ADAMTSL1: variants seen among roughly 807,000 people sequenced by gnomAD.
ADAMTSL1 encodes the protein ADAMTS like 1, also known as ADAMTS-like protein 1.
A neutral mutation model predicts 201.8 loss-of-function variants in ADAMTSL1; 126 were observed. That is an observed-to-expected ratio of 0.62 (90% confidence interval 0.54 to 0.72). The LOEUF (loss-of-function observed/expected upper bound fraction) is 0.72, where lower values mean the gene tolerates loss of function less well. Among genes scored for constraint, ADAMTSL1 ranks in the 30% least tolerant of loss-of-function variants. ADAMTSL1 has a pLI of 0.00. For synonymous variants in ADAMTSL1, 1,121 were observed against 903.4 expected (o/e 1.24, Z -4.32); for missense variants, 2,679 against 2,277.8 (o/e 1.18, Z -3.59).
intron 19 of ADAMTSL1, among the ~76,000 whole-genome samples, chr9:18,783,301 A>C (rs1049003639): frequency 3.9e-5 from 6 of 152,206 alleles, no homozygotes; most frequent in Admixed American, 3.3e-4. Flanking sequence ...TTAAACTTTT[A>C]AAAGTAGATT....
At chr9:18,170,163 A>T (rs1827826043) in intron 2 of ADAMTSL1, among the ~76,000 whole-genome samples, 2 of 152,068 alleles carry the variant, frequency 1.3e-5, no homozygotes, top group African/African-American at 4.8e-5. Flanking sequence ...CCAGTAACGA[A>T]CTATATACAT....
chr9:18,846,770 A>G (rs1325768138), intron 23 of ADAMTSL1, among the ~76,000 whole-genome samples: 1 of 152,192 alleles, frequency 6.6e-6, no homozygotes, highest in African/African-American at 2.4e-5. Flanking sequence ...AATGGACAGA[A>G]GTAGATGAAT....
At chr9:18,650,528 ATCTTGGCTCCT>A (rs1828172302) in intron 7 of ADAMTSL1, among the ~76,000 whole-genome samples, 1 of 152,126 alleles carries the variant, frequency 6.6e-6, no homozygotes, top group African/African-American at 2.4e-5. Context: ...CTATTCGGCC[ATCTTGGCTCCT>A]CCCTCCTCCA....
At chr9:18,881,694 G>A (rs553601251) in intron 23 of ADAMTSL1, among the ~76,000 whole-genome samples, 1 of 152,088 alleles carries the variant, frequency 6.6e-6, no homozygotes, top group African/African-American at 2.4e-5. Context: ...CTTAGCACAG[G>A]GTTGCCACAA....
chr9:18,853,021 C>G (rs1351245065), intron 23 of ADAMTSL1, among the ~76,000 whole-genome samples: 1 of 152,152 alleles, frequency 6.6e-6, no homozygotes, highest in East Asian at 1.9e-4. Flanking sequence ...TTGCTACACA[C>G]TGAAATATAG....
At chr9:17,933,894 C>T (rs1244414695) in intron 1 of ADAMTSL1, among the ~76,000 whole-genome samples, 1 of 152,144 alleles carries the variant, frequency 6.6e-6, no homozygotes, top group East Asian at 1.9e-4. Context: ...CAAATCCAAA[C>T]TGCATCAACA....
rs538789113 is a variant in ADAMTSL1, at chr9:18,638,083, C to T, written c.677-1171C>T. Among the ~76,000 whole-genome samples the T allele has an allele frequency of 2.0e-5, 3 of 152,138 alleles. No individual in the cohort carries two copies. The South Asian group carries it at 6.2e-4, about 32-fold the overall frequency. On this transcript the variant is annotated intron_variant, in intron 6 of 28. Coordinates refer to ENST00000380548, the MANE Select transcript of ADAMTSL1 (RefSeq NM_001040272.6). The stretch of plus-strand genomic sequence containing the variant: ...CTCCCTGCAATATTCCTTTAATGTG[C>T]CCTGTATTTTTCGGTGGGATCCCCT...
intron 23 of ADAMTSL1, among the ~76,000 whole-genome samples, chr9:18,883,238 T>G (rs1828647782): frequency 6.6e-6 from 1 of 152,218 alleles, no homozygotes; most frequent in South Asian, 2.1e-4. Flanking sequence ...TCAGCTGATC[T>G]AAGCTGGGTT....
chr9:18,063,650 G>A (rs1409050495), intron 1 of ADAMTSL1, among the ~76,000 whole-genome samples: 3 of 152,206 alleles, frequency 2.0e-5, no homozygotes, highest in Admixed American at 6.5e-5. Flanking sequence ...CCCAGGATGG[G>A]ACAGTGATGC....
chr9:18,283,484 T>C (rs1473203710), intron 2 of ADAMTSL1, among the ~76,000 whole-genome samples: 1 of 151,718 alleles, frequency 6.6e-6, no homozygotes. Flanking sequence ...TACACACCTG[T>C]AGTCACAGCT....
At chr9:18,751,666 C>G (rs1368322029) in intron 15 of ADAMTSL1, among the ~76,000 whole-genome samples, 2 of 152,158 alleles carry the variant, frequency 1.3e-5, no homozygotes, top group African/African-American at 4.8e-5. Context: ...GGTATACACT[C>G]TAGCAGTGCC....
chr9:17,997,847 T>C (rs1037821456), intron 1 of ADAMTSL1, among the ~76,000 whole-genome samples: 4 of 152,050 alleles, frequency 2.6e-5, no homozygotes, highest in African/African-American at 9.7e-5. Context: ...TTCTTACTGA[T>C]CTCTTGTCTT....
intron 1 of ADAMTSL1, among the ~76,000 whole-genome samples, chr9:17,973,008 G>A (rs10963371): frequency 0.8 from 108,013 of 135,524 alleles, 43,677 homozygotes; most frequent in East Asian, 0.92. Flanking sequence ...TTTTGATGGG[G>A]TTGTTTGTTT....
At chr9:18,769,826 G>A (rs1820584508) in intron 16 of ADAMTSL1, among the ~76,000 whole-genome samples, 1 of 152,204 alleles carries the variant, frequency 6.6e-6, no homozygotes, top group African/African-American at 2.4e-5. Context: ...AATGTGGTAT[G>A]CCCAGTGAAA....
intron 2 of ADAMTSL1, among the ~76,000 whole-genome samples, chr9:18,333,631 G>A (rs2132923362): frequency 6.6e-6 from 1 of 152,000 alleles, no homozygotes; most frequent in East Asian, 1.9e-4. Context: ...AGAGAAACAG[G>A]GACAAAATAC....
At chr9:18,204,067 TATC>T (rs1829551518) in intron 2 of ADAMTSL1, among the ~76,000 whole-genome samples, 1 of 152,290 alleles carries the variant, frequency 6.6e-6, no homozygotes, top group East Asian at 1.9e-4. Flanking sequence ...CTTAAGAACA[TATC>T]ATAAAACTAA....
chr9:18,795,313 G>A (rs1313957199), intron 19 of ADAMTSL1, 84 bp from the exon 20 acceptor site: 29 of 1,567,844 alleles, frequency 1.8e-5, no homozygotes, highest in Admixed American at 1.8e-5. Context: ...ACACCCTGAG[G>A]TTCCTTCCTG....
chr9:18,043,098 A>T (rs973915505), intron 1 of ADAMTSL1, among the ~76,000 whole-genome samples: 1 of 152,138 alleles, frequency 6.6e-6, no homozygotes, highest in Non-Finnish European at 1.5e-5. Flanking sequence ...TGTAGTACAG[A>T]CCAGTCTTTT....
chr9:17,988,141 G>A (rs1818999843), intron 1 of ADAMTSL1, among the ~76,000 whole-genome samples: 1 of 152,056 alleles, frequency 6.6e-6, no homozygotes, highest in Non-Finnish European at 1.5e-5. Context: ...GTAACTGGGA[G>A]TTGGCAGGTG....
Sources: gnomAD v4.1 joint callset for allele counts (sites outside exome capture counted in the v4.1 genomes callset) on GRCh38, gnomAD v4.1.1 for gene constraint, MANE v1.5 for transcripts, NCBI Gene and HGNC (gene_info 2026-07-23, HGNC 2026-07-21) for gene names.